Variants in DENND5B observed in about 807,000 individuals in gnomAD.
The protein encoded by DENND5B is DENN domain-containing protein 5B.
In DENND5B, 34 loss-of-function variants were observed where a neutral mutation model predicts 140.6. That is an observed-to-expected ratio of 0.24 (90% confidence interval 0.18 to 0.32). The LOEUF (loss-of-function observed/expected upper bound fraction) is 0.32. DENND5B is among the 10% of genes least tolerant of loss of function. DENND5B has a pLI of 1.00. For synonymous variants in DENND5B, 551 were observed against 562.1 expected (o/e 0.98, Z 0.28); for missense variants, 1,142 against 1,560.2 (o/e 0.73, Z 4.52).
chr12:31,455,839 G>A (rs1944749612), intron 4 of DENND5B, among the ~76,000 whole-genome samples: 1 of 151,616 alleles, frequency 6.6e-6, no homozygotes, highest in Non-Finnish European at 1.5e-5. Flanking sequence ...GACCAACATG[G>A]TGAAAGCCCG....
intron 14 of DENND5B, among the ~76,000 whole-genome samples, chr12:31,408,653 T>C (rs1421356829): frequency 1.4e-5 from 2 of 145,654 alleles, no homozygotes; most frequent in African/African-American, 2.5e-5. Context: ...AAAAAAAAAT[T>C]CTCCAATCAG....
At chr12:31,398,128 G>T in intron 17 of DENND5B, 47 bp downstream of exon 17, 1 of 1,507,298 alleles carries the variant, frequency 6.6e-7, no homozygotes, top group East Asian at 2.5e-5. Flanking sequence ...ATGGTCACAT[G>T]AAGCCTACAT....
intron 10 of DENND5B, among the ~76,000 whole-genome samples, chr12:31,424,107 G>T (rs551858471): frequency 1.3e-5 from 2 of 152,084 alleles, no homozygotes; most frequent in African/African-American, 4.8e-5. Flanking sequence ...GGTGAGAGGA[G>T]AAAGAGAAAA....
At chr12:31,533,641 G>A (rs1948375169) in intron 1 of DENND5B, among the ~76,000 whole-genome samples, 2 of 152,198 alleles carry the variant, frequency 1.3e-5, no homozygotes, top group African/African-American at 4.8e-5. Flanking sequence ...GCAGGTAAAA[G>A]CAGTTGGATG....
At chr12:31,577,525 A>G (rs1165194094) in intron 1 of DENND5B, among the ~76,000 whole-genome samples, 2 of 151,904 alleles carry the variant, frequency 1.3e-5, no homozygotes, top group Admixed American at 1.3e-4. Flanking sequence ...CCTGGCTAAC[A>G]TGGTGAAACC....
intron 14 of DENND5B, among the ~76,000 whole-genome samples, chr12:31,409,020 C>A (rs1318441059): frequency 1.3e-5 from 2 of 152,230 alleles, no homozygotes; most frequent in African/African-American, 4.8e-5. Context: ...CTGGCTGGAA[C>A]TGACAGAAGG....
chr12:31,418,811 T>C (rs1199530887), intron 11 of DENND5B, among the ~76,000 whole-genome samples: 1 of 152,048 alleles, frequency 6.6e-6, no homozygotes, highest in Non-Finnish European at 1.5e-5. Context: ...AGAAACTTCA[T>C]TTTAAATAAT....
intron 1 of DENND5B, among the ~76,000 whole-genome samples, chr12:31,583,813 A>G (rs529097760): frequency 3.3e-5 from 5 of 152,248 alleles, no homozygotes; most frequent in African/African-American, 4.8e-5. Flanking sequence ...GACAGTGGCC[A>G]CCACTTACGT....
chr12:31,485,745 C>G (rs1946280499), intron 2 of DENND5B, among the ~76,000 whole-genome samples: 1 of 151,430 alleles, frequency 6.6e-6, no homozygotes, highest in Non-Finnish European at 1.5e-5. Context: ...TCCTCTCTCT[C>G]TCTCTCTCTC....
At chr12:31,549,102 G>C (rs1948953896) in intron 1 of DENND5B, among the ~76,000 whole-genome samples, 3 of 152,210 alleles carry the variant, frequency 2.0e-5, no homozygotes, top group South Asian at 4.2e-4. Context: ...GTCTCGCTTT[G>C]TTGTACACGC....
intron 4 of DENND5B, among the ~76,000 whole-genome samples, chr12:31,454,114 C>T (rs1371868180): frequency 6.6e-6 from 1 of 150,830 alleles, no homozygotes; most frequent in African/African-American, 2.4e-5. Context: ...TGCACTCCAG[C>T]CTGGGCAAAA....
chr12:31,580,020 G>A (rs901027832), intron 1 of DENND5B, among the ~76,000 whole-genome samples: 21 of 98,032 alleles, frequency 2.1e-4, no homozygotes, highest in Non-Finnish European at 3.4e-4. Flanking sequence ...AAAGAGAACT[G>A]TACTGACTGA....
rs117928708 is a variant in DENND5B, at chr12:31,408,930, C to T, written c.2803+333G>A. On this transcript the variant is annotated intron_variant, in intron 14 of 20. Coordinates refer to ENST00000389082, the MANE Select transcript of DENND5B (RefSeq NM_144973.4). The stretch of plus-strand genomic sequence containing the variant: ...ATTGGTTAAGCAAGATGTTAAGCTT[C>T]GATGCAGTCTCAATGAAATCCTCAT... Among the ~76,000 whole-genome samples the T allele has an allele frequency of 7.2e-3, 1,102 of 152,260 alleles. 10 individuals are homozygous for T. The highest frequency in any genetic ancestry group is 0.01 in the Middle Eastern group (3 of 294).
intron 14 of DENND5B, 50 bp downstream of exon 14, chr12:31,409,213 A>AT (rs1565550935): frequency 6.7e-6 from 10 of 1,491,016 alleles, no homozygotes; most frequent in South Asian, 1.4e-5. Context: ...AAATGCTTTT[A>AT]TTGCATTGGT....
At chr12:31,571,157 G>A (rs990549343) in intron 1 of DENND5B, among the ~76,000 whole-genome samples, 6 of 150,962 alleles carry the variant, frequency 4.0e-5, no homozygotes, top group Admixed American at 1.3e-4. Flanking sequence ...CAGCCTCCCT[G>A]AAACATCACT....
intron 7 of DENND5B, among the ~76,000 whole-genome samples, chr12:31,441,153 G>A (rs34498192): frequency 0.38 from 58,300 of 151,954 alleles, 12,038 homozygotes; most frequent in East Asian, 0.57. Flanking sequence ...CACCAGCTTG[G>A]GCAATAAGGC....
chr12:31,577,159 T>C (rs779113338), intron 1 of DENND5B, among the ~76,000 whole-genome samples: 1 of 152,170 alleles, frequency 6.6e-6, no homozygotes, highest in African/African-American at 2.4e-5. Context: ...GATCAGAAAT[T>C]TACTTAATTT....
rs1565587311 is a variant in DENND5B, at chr12:31,447,786, A to G, written c.1630-17T>C. ...AAAGGAAGCCTGTAATGAGATAATT[A>G]GGAAATTATTAGTGCAAAGAGACCA... is the stretch of plus-strand genomic sequence containing the variant. On this transcript the variant is annotated splice_polypyrimidine_tract_variant and intron_variant, in intron 5 of 20. Coordinates refer to ENST00000389082, the MANE Select transcript of DENND5B (RefSeq NM_144973.4). 6.5e-7 allele frequency: 1 copy of G among 1,536,560 alleles called. No individual in the cohort carries two copies. The highest frequency in any genetic ancestry group is 1.9e-5 in the Admixed American group (1 of 51,668).
At chr12:31,459,380 C>G (rs1168135900) in intron 4 of DENND5B, among the ~76,000 whole-genome samples, 3 of 152,118 alleles carry the variant, frequency 2.0e-5, no homozygotes, top group African/African-American at 7.2e-5. Context: ...ACCTATACCT[C>G]TAGGGTTCAA....
Sources: allele counts gnomAD v4.1 joint callset (sites outside exome capture counted in the v4.1 genomes callset), GRCh38; gene constraint gnomAD v4.1.1; transcripts MANE v1.5; gene names NCBI Gene and HGNC (gene_info 2026-07-23, HGNC 2026-07-21).